Variants in GABRR3 observed in about 807,000 individuals in gnomAD.
The protein encoded by GABRR3 is gamma-aminobutyric acid receptor subunit rho-3.
A neutral mutation model predicts 43.2 loss-of-function variants in GABRR3; 29 were observed. The observed-to-expected ratio is 0.67, with a 90% confidence interval of 0.50 to 0.92. The LOEUF (loss-of-function observed/expected upper bound fraction) is 0.92, where lower values mean the gene tolerates loss of function less well. Ranked by LOEUF, GABRR3 falls within the 40% of genes least tolerant of loss-of-function variation. The pLI is 0.00. For missense variants in GABRR3, 576 were observed against 572.3 expected (o/e 1.01, Z -0.07); for synonymous variants, 206 against 195.9 (o/e 1.05, Z -0.43).
intron 3 of GABRR3, among the ~76,000 whole-genome samples, chr3:98,022,339 T>C (rs765395351): frequency 6.6e-6 from 1 of 152,238 alleles, no homozygotes; most frequent in Non-Finnish European, 1.5e-5. Context: ...AATCTTCTAA[T>C]GCTTTATAAA....
intron 5 of GABRR3, among the ~76,000 whole-genome samples, 165 bp downstream of exon 5, chr3:98,012,179 G>C (rs1706801794): frequency 6.6e-6 from 1 of 152,186 alleles, no homozygotes; most frequent in African/African-American, 2.4e-5. Flanking sequence ...TTTAAAATCT[G>C]GATGTTAGAA....
At chr3:98,035,036 A>T (rs1191441966) in intron 1 of GABRR3, 47 bp from the exon 2 acceptor site, 1 of 1,575,700 alleles carries the variant, frequency 6.3e-7, no homozygotes. Flanking sequence ...CGCAACCAAT[A>T]CTGTGATCAC....
intron 9 of GABRR3, 54 bp downstream of exon 9, chr3:97,992,798 G>C (rs562681292): frequency 2.7e-6 from 4 of 1,486,076 alleles, no homozygotes; most frequent in Non-Finnish European, 3.7e-6. Flanking sequence ...CAATAGATAA[G>C]GGTAGTCTTT....
chr3:98,034,780 G>T, intron 2 of GABRR3, 83 bp downstream of exon 2: 1 of 1,516,958 alleles, frequency 6.6e-7, no homozygotes, highest in Non-Finnish European at 9.1e-7. Flanking sequence ...TTAAAGATAC[G>T]TTTCCAGGTT....
chr3:97,986,091 C>T (rs1239375823), downstream of GABRR3, among the ~76,000 whole-genome samples: 1 of 152,134 alleles, frequency 6.6e-6, no homozygotes, highest in Non-Finnish European at 1.5e-5. Context: ...GTCTTGAACT[C>T]CTGACCTCAA....
At chr3:98,010,975 C>A (rs1364137223) in intron 5 of GABRR3, among the ~76,000 whole-genome samples, 1 of 152,062 alleles carries the variant, frequency 6.6e-6, no homozygotes, top group African/African-American at 2.4e-5. Context: ...TGGCAGGCAC[C>A]TGTGACCCCA....
At chr3:97,987,028 C>A in intron 9 of GABRR3, 46 bp from the exon 10 acceptor site, 2 of 1,248,216 alleles carry the variant, frequency 1.6e-6, no homozygotes, top group East Asian at 2.5e-5. Context: ...TATGGTTTTA[C>A]AAATAGGAAT....
intron 2 of GABRR3, among the ~76,000 whole-genome samples, chr3:98,027,907 A>G (rs1466180533): frequency 6.6e-6 from 1 of 152,182 alleles, no homozygotes; most frequent in Admixed American, 6.5e-5. Flanking sequence ...ATACCTGAAC[A>G]AGCTTTTTAA....
rs189097795 is a variant in GABRR3 at position 97,986,949 on chromosome 3, C to T, written c.1138G>A (p.Ala380Thr). Residue 380 changes from alanine to threonine, a missense_variant, in exon 10 of 10, where the codon GCT becomes ACT. Transcript: ENST00000621172. The stretch of plus-strand genomic sequence containing the variant: ...TGGTAACAACCATCAAAGGCCATAG[C>T]TTGAACTGCATCAATATTGTACATC... 279 of 1,609,320 alleles carry T rather than the reference C, an allele frequency of 1.7e-4. 2 individuals carry two copies. The African/African-American group carries it at 3.1e-3, about 18-fold the overall frequency.
At chr3:98,012,207 C>A (rs1706801985) in intron 5 of GABRR3, 137 bp downstream of exon 5, 1 of 664,324 alleles carries the variant, frequency 1.5e-6, no homozygotes, top group Non-Finnish European at 2.6e-6. Flanking sequence ...AAAATCACAT[C>A]TTATGCTTGT....
intron 8 of GABRR3, among the ~76,000 whole-genome samples, chr3:97,996,111 G>T (rs1213081517): frequency 6.6e-6 from 1 of 152,166 alleles, no homozygotes; most frequent in African/African-American, 2.4e-5. Flanking sequence ...TTTGTTGACT[G>T]ATATGATAGC....
At chr3:98,004,072 T>C (rs765483181) in intron 7 of GABRR3, among the ~76,000 whole-genome samples, 1 of 151,932 alleles carries the variant, frequency 6.6e-6, no homozygotes, top group African/African-American at 2.4e-5. Context: ...CCCAGGGAAA[T>C]GGAGGACTGG....
In GABRR3 at chr3:97,988,853, T is replaced by G. The variant is rs1314787048; in HGVS notation, c.1105-1871A>C. Among the ~76,000 whole-genome samples, 3 of 144,270 alleles carry G rather than the reference T, an allele frequency of 2.1e-5. No homozygotes were observed. In the East Asian group the frequency reaches 6.3e-4, roughly 30 times the overall value. 94.6% of individuals were successfully genotyped at this position (144,270 alleles called of 152,430 possible). A position where few individuals can be genotyped will look rare whatever the true frequency, so the allele number is the denominator to read the frequency against. On this transcript the variant is annotated intron_variant, in intron 9 of 9. Coordinates refer to ENST00000621172, the Ensembl canonical transcript of GABRR3. ...GGTGGTGGATGGTGACAGTTGATGG[T>G]GAGTGGTGGGTGGTAGGTGGTGAAT...
chr3:97,996,065 T>C (rs186764944), intron 8 of GABRR3, among the ~76,000 whole-genome samples: 8 of 152,290 alleles, frequency 5.3e-5, no homozygotes, highest in African/African-American at 1.4e-4. Flanking sequence ...ATCTTTCAGT[T>C]TCATTGGCTA....
intron 3 of GABRR3, among the ~76,000 whole-genome samples, chr3:98,024,057 A>G (rs1445761938): frequency 3.3e-5 from 5 of 152,226 alleles, no homozygotes; most frequent in Admixed American, 6.5e-5. Context: ...GATGAAATCA[A>G]GGTTAGACCC....
chr3:98,011,398 TA>T (rs1472032562), intron 5 of GABRR3, among the ~76,000 whole-genome samples: 4 of 152,214 alleles, frequency 2.6e-5, no homozygotes, highest in Non-Finnish European at 5.9e-5. Context: ...CTCTTAGCTC[TA>T]GGGGGAAAAT....
intron 9 of GABRR3, 84 bp downstream of exon 9, chr3:97,992,768 A>G: frequency 7.7e-7 from 1 of 1,295,170 alleles, no homozygotes; most frequent in Admixed American, 2.3e-5. Flanking sequence ...ACAAAGGCTT[A>G]CAACACTGTC....
At chr3:98,018,385 C>T (rs185319553) in intron 3 of GABRR3, among the ~76,000 whole-genome samples, 3 of 152,292 alleles carry the variant, frequency 2.0e-5, no homozygotes, top group Admixed American at 6.5e-5. Context: ...CTTAGAAATC[C>T]ATTTAATGAG....
intron 9 of GABRR3, among the ~76,000 whole-genome samples, chr3:97,990,504 C>T (rs1019472652): frequency 7.9e-5 from 12 of 151,928 alleles, no homozygotes; most frequent in African/African-American, 2.4e-4. Context: ...TCCCACCACA[C>T]GCCCGGCTAA....
Sources: gnomAD v4.1 joint callset for allele counts (sites outside exome capture counted in the v4.1 genomes callset) on GRCh38, gnomAD v4.1.1 for gene constraint, MANE v1.5 for transcripts, NCBI Gene and HGNC (gene_info 2026-07-23, HGNC 2026-07-21) for gene names.